The following NEK11 variants were observed in gnomAD, a reference collection of about 807,000 sequenced individuals.
The protein encoded by NEK11 is NIMA related kinase 11.
A neutral mutation model predicts 80.7 loss-of-function variants in NEK11; 72 were observed. The ratio of observed to expected loss-of-function variants is 0.89; its 90% CI spans 0.74 to 1.08. The LOEUF is 1.08. Ranked by LOEUF, NEK11 falls within the 50% of genes least tolerant of loss-of-function variation. NEK11 has a pLI of 0.00. For missense variants in NEK11, 764 were observed against 763.6 expected (o/e 1.00, Z -0.01); for synonymous variants, 251 against 260.7 (o/e 0.96, Z 0.36).
chr3:131,298,966 A>G (rs1452605621), intron 17 of NEK11, among the ~76,000 whole-genome samples: 1 of 114,454 alleles, frequency 8.7e-6, no homozygotes, highest in Non-Finnish European at 1.8e-5. Context: ...TTTGTTTTTC[A>G]GGTTTTGGAG....
Position 131,181,662 on chromosome 3 carries a change from C to T in NEK11, c.1399+10775C>T, listed in dbSNP as rs373409157. ...TTGGGAGGCTGAGGCAGGAGAATGG[C>T]GTGAACTCAGGAGGCAGAACTTGCA... On this transcript the variant is annotated intron_variant, in intron 14 of 17. Transcript: ENST00000383366. 1.7e-4 allele frequency among the ~76,000 whole-genome samples: 24 copies of T among 142,654 alleles called. No homozygotes were observed. In the East Asian group the frequency reaches 4.7e-3, roughly 28 times the overall value. 93.6% of individuals were successfully genotyped at this position (142,654 alleles called of 152,430 possible). A position where few individuals can be genotyped will look rare whatever the true frequency, so the allele number is the denominator to read the frequency against.
intron 17 of NEK11, chr3:131,325,848 T>TAC (rs1360859406): frequency 1.2e-4 from 19 of 152,238 alleles, no homozygotes; most frequent in African/African-American, 4.6e-4. Flanking sequence ...TTAAAATTTA[T>TAC]ACTGTGTGAG....
At chr3:131,262,406 A>C (rs796947672) in intron 16 of NEK11, among the ~76,000 whole-genome samples, 6 of 152,274 alleles carry the variant, frequency 3.9e-5, no homozygotes, top group African/African-American at 1.4e-4. Context: ...AGAAAACCTG[A>C]ATATGCCTAT....
intron 5 of NEK11, among the ~76,000 whole-genome samples, chr3:131,118,469 A>G (rs1168360592): frequency 6.6e-6 from 1 of 152,180 alleles, no homozygotes; most frequent in Non-Finnish European, 1.5e-5. Context: ...CTTTGGTATC[A>G]GGATGTTGCT....
intron 5 of NEK11, among the ~76,000 whole-genome samples, chr3:131,119,827 C>T (rs1213784915): frequency 6.6e-6 from 1 of 152,138 alleles, no homozygotes; most frequent in Non-Finnish European, 1.5e-5. Flanking sequence ...TTTCCAGTTG[C>T]TTGGTAGATC....
intron 14 of NEK11, among the ~76,000 whole-genome samples, chr3:131,182,376 C>A (rs1265516319): frequency 6.6e-6 from 1 of 152,120 alleles, no homozygotes; most frequent in Non-Finnish European, 1.5e-5. Context: ...CTTATTCTCT[C>A]CTTTATCGTC....
At chr3:131,201,387 A>G (rs972238840) in intron 14 of NEK11, among the ~76,000 whole-genome samples, 10 of 152,048 alleles carry the variant, frequency 6.6e-5, no homozygotes, top group African/African-American at 1.4e-4. Flanking sequence ...CTCGACCTAT[A>G]TAGTAGTTTT....
At chr3:131,258,170 G>A (rs2095850611) in intron 16 of NEK11, among the ~76,000 whole-genome samples, 1 of 145,782 alleles carries the variant, frequency 6.9e-6, no homozygotes, top group African/African-American at 2.5e-5. Context: ...CAGGGGGAAG[G>A]GTGGGAGGGG....
At chr3:131,313,421 A>G (rs879479188) in intron 17 of NEK11, among the ~76,000 whole-genome samples, 1 of 152,150 alleles carries the variant, frequency 6.6e-6, no homozygotes, top group Admixed American at 6.5e-5. Context: ...GGTTAAACTA[A>G]TTTACCTCCC....
At chr3:131,309,318 G>A (rs115340494) in intron 17 of NEK11, among the ~76,000 whole-genome samples, 236 of 152,200 alleles carry the variant, frequency 1.6e-3, no homozygotes, top group Non-Finnish European at 2.9e-3. Flanking sequence ...TTGAATCTTT[G>A]GGGGAAGAAA....
At chr3:131,327,583 AAC>A (rs1268843277) in intron 17 of NEK11, 4 of 151,960 alleles carry the variant, frequency 2.6e-5, no homozygotes, top group African/African-American at 4.8e-5. Context: ...TATTTTATTA[AAC>A]AGTTTGTTAG....
At chr3:131,282,618 A>G (rs2096414513) in intron 17 of NEK11, among the ~76,000 whole-genome samples, 1 of 150,122 alleles carries the variant, frequency 6.7e-6, no homozygotes, top group Non-Finnish European at 1.5e-5. Flanking sequence ...TCTATAAATA[A>G]CAGTGAGGTC....
intron 3 of NEK11, among the ~76,000 whole-genome samples, chr3:131,076,427 C>T (rs938106828): frequency 1.4e-4 from 21 of 152,106 alleles, no homozygotes; most frequent in African/African-American, 5.1e-4. Flanking sequence ...TATAATGAAA[C>T]TATTTCCTTG....
intron 9 of NEK11, among the ~76,000 whole-genome samples, chr3:131,153,267 G>A (rs892218413): frequency 6.6e-6 from 1 of 152,096 alleles, no homozygotes; most frequent in African/African-American, 2.4e-5. Flanking sequence ...GATCTTACCT[G>A]AACACTTTGT....
chr3:131,071,412 A>G (rs894823332), intron 3 of NEK11, among the ~76,000 whole-genome samples: 10 of 151,864 alleles, frequency 6.6e-5, no homozygotes, highest in African/African-American at 2.4e-4. Context: ...TCAACTCAGT[A>G]TTTATTTTAA....
intron 4 of NEK11, among the ~76,000 whole-genome samples, chr3:131,109,168 T>C (rs1227134378): frequency 1.3e-5 from 2 of 152,122 alleles, no homozygotes; most frequent in African/African-American, 4.8e-5. Context: ...TGGAGTGATA[T>C]CATTAAAGCA....
At chr3:131,210,356 G>A (rs1432337869) in intron 14 of NEK11, among the ~76,000 whole-genome samples, 4 of 152,156 alleles carry the variant, frequency 2.6e-5, no homozygotes, top group Admixed American at 2.0e-4. Context: ...TATAATTTCT[G>A]TTCTTTTACG....
At chr3:131,074,968 T>C (rs1329083295) in intron 3 of NEK11, among the ~76,000 whole-genome samples, 3 of 152,170 alleles carry the variant, frequency 2.0e-5, no homozygotes, top group African/African-American at 7.2e-5. Flanking sequence ...ATTTGGCACA[T>C]AGAAGATAGT....
At chr3:131,052,067 G>T (rs2068504403) in intron 3 of NEK11, among the ~76,000 whole-genome samples, 1 of 151,076 alleles carries the variant, frequency 6.6e-6, no homozygotes, top group Admixed American at 6.6e-5. Flanking sequence ...AGCAACTTAA[G>T]AATACAGAGT....
Sources: gnomAD v4.1 joint callset for allele counts (sites outside exome capture counted in the v4.1 genomes callset) on GRCh38, gnomAD v4.1.1 for gene constraint, MANE v1.5 for transcripts, NCBI Gene and HGNC (gene_info 2026-07-23, HGNC 2026-07-21) for gene names.